RSF1: variants seen among roughly 807,000 people sequenced by gnomAD.
The protein encoded by RSF1 is remodeling and spacing factor 1.
RSF1 carries 13 observed loss-of-function variants against 145.2 expected under a neutral mutation model. The observed-to-expected ratio is 0.09, with a 90% CI of 0.06 to 0.14. The LOEUF is 0.14. Ranked by LOEUF, RSF1 falls within the 10% of genes least tolerant of loss-of-function variation. The pLI is 1.00. For missense variants in RSF1, 1,517 were observed against 1,718.2 expected (o/e 0.88, Z 2.07); for synonymous variants, 577 against 592.6 (o/e 0.97, Z 0.38).
Position 77,771,608 on chromosome 11 carries a change from C to G in RSF1, c.188-6919G>C, listed in dbSNP as rs75991612. ...AGATTTAAGTTTTTAAAAGATCACTCTTTTAAATCCAGGATCTGTTTGAAA... is the reference window on the plus strand; with the variant it reads ...AGATTTAAGTTTTTAAAAGATCACTGTTTTAAATCCAGGATCTGTTTGAAA... On this transcript the variant is annotated intron_variant, in intron 1 of 15. Transcript: ENST00000308488. 1.8e-3 allele frequency among the ~76,000 whole-genome samples: 277 copies of G among 152,294 alleles called. 12 individuals are homozygous for G. The East Asian group carries it at 0.043, about 24-fold the overall frequency.
At chr11:77,774,476 G>A (rs1375985035) in intron 1 of RSF1, among the ~76,000 whole-genome samples, 1 of 151,860 alleles carries the variant, frequency 6.6e-6, no homozygotes, top group African/African-American at 2.4e-5. Flanking sequence ...GGAGGCTGAG[G>A]CAGGAGAATC....
In RSF1 at chr11:77,664,932, C is replaced by A. The variant is rs900734102; in HGVS notation, c.*1985G>T. 1 of 152,190 alleles carries A rather than the reference C, an allele frequency of 6.6e-6. No individual in the cohort carries two copies. Among genetic ancestry groups the A allele is most frequent in the Non-Finnish European group, 1.5e-5 (1 of 68,034 alleles). 9.4% of individuals were successfully genotyped at this position (152,190 alleles called of 1,614,324 possible). A position where few individuals can be genotyped will look rare whatever the true frequency, so the allele number is the denominator to read the frequency against. On this transcript the variant is annotated 3_prime_UTR_variant, in exon 16 of 16. Transcript: ENST00000308488. ...AATAAAAATCACAACTTACTTGGAA[C>A]CACATGCTATTGGTGCATCCTATTT...
At chr11:77,711,836 CT>C (rs1404733178) in intron 5 of RSF1, among the ~76,000 whole-genome samples, 1 of 151,994 alleles carries the variant, frequency 6.6e-6, no homozygotes, top group Non-Finnish European at 1.5e-5. Flanking sequence ...CTTCAATGTC[CT>C]TTTTTATTCC....
chr11:77,763,644 C>T (rs1948197908), intron 2 of RSF1: 1 of 152,136 alleles, frequency 6.6e-6, no homozygotes, highest in Non-Finnish European at 1.5e-5. Flanking sequence ...AACCATATGA[C>T]AGTTTCTAAA....
chr11:77,832,951 ATG>A, the RSF1 span, among the ~76,000 whole-genome samples: 6,109 of 68,310 alleles, frequency 0.089, 543 homozygotes, highest in Middle Eastern at 0.15. Context: ...GTATATATAT[ATG>A]TGTGTGTGTG....
Position 77,765,772 on chromosome 11 carries a change from T to C in RSF1, c.188-1083A>G, listed in dbSNP as rs578013702. ...ATTTTTCTTTTTTCTTTTGAAACGG[T>C]ATCTCACTCTTTTTGCCCAGGCTGA... On this transcript the variant is annotated intron_variant, in intron 1 of 15. Coordinates refer to ENST00000308488, the MANE Select transcript of RSF1 (RefSeq NM_016578.4). Among the ~76,000 whole-genome samples, 6 of 152,252 alleles carry C rather than the reference T, an allele frequency of 3.9e-5. No homozygotes were observed. The South Asian group carries it at 1.2e-3, about 32-fold the overall frequency.
intron 2 of RSF1, among the ~76,000 whole-genome samples, chr11:77,756,740 T>C (rs1948120081): frequency 6.6e-6 from 1 of 152,226 alleles, no homozygotes; most frequent in Admixed American, 6.5e-5. Flanking sequence ...AAAGTGGGTA[T>C]GTGCTTTACT....
chr11:77,840,730 C>T, the RSF1 span, among the ~76,000 whole-genome samples: 1 of 152,092 alleles, frequency 6.6e-6, no homozygotes, highest in Non-Finnish European at 1.5e-5. Context: ...TTTCAGTTTA[C>T]TGAGTGTGGG....
the RSF1 span, among the ~76,000 whole-genome samples, chr11:77,833,823 A>T: frequency 6.6e-6 from 1 of 152,210 alleles, no homozygotes; most frequent in Non-Finnish European, 1.5e-5. Context: ...CTAGATTTTG[A>T]CATTTCTTCT....
the RSF1 span, among the ~76,000 whole-genome samples, chr11:77,862,126 C>T: frequency 1.3e-4 from 20 of 152,236 alleles, no homozygotes; most frequent in African/African-American, 2.2e-4. Context: ...CAAATGTTTG[C>T]GGCACCAATC....
intron 1 of RSF1, among the ~76,000 whole-genome samples, chr11:77,808,093 G>A (rs897770622): frequency 1.3e-5 from 2 of 152,108 alleles, no homozygotes; most frequent in Admixed American, 1.3e-4. Flanking sequence ...CAGCACTTTG[G>A]GAGGCCAAGG....
chr11:77,819,489 G>A (rs1055440223), intron 1 of RSF1, among the ~76,000 whole-genome samples: 5 of 152,200 alleles, frequency 3.3e-5, no homozygotes, highest in African/African-American at 1.2e-4. Flanking sequence ...ATGGGGCCGG[G>A]CAGAGCATGC....
chr11:77,796,663 A>G (rs1948575258), intron 1 of RSF1, among the ~76,000 whole-genome samples: 1 of 152,226 alleles, frequency 6.6e-6, no homozygotes, highest in African/African-American at 2.4e-5. Flanking sequence ...GGCTAGGGCA[A>G]TCAGGCAACA....
At chr11:77,772,585 C>T (rs1407035823) in intron 1 of RSF1, among the ~76,000 whole-genome samples, 1 of 151,946 alleles carries the variant, frequency 6.6e-6, no homozygotes, top group African/African-American at 2.4e-5. Flanking sequence ...TTACAAAAAG[C>T]ACTAGAAAGT....
chr11:77,729,977 A>T (rs527342211), intron 4 of RSF1, among the ~76,000 whole-genome samples: 1 of 151,532 alleles, frequency 6.6e-6, no homozygotes, highest in African/African-American at 2.4e-5. Context: ...CAATAGCAGT[A>T]CTATTAATCT....
rs772042852 is a variant in RSF1 at position 77,698,452 on chromosome 11, AAT to A, written c.2715+33_2715+34del. On this transcript the variant is annotated intron_variant, in intron 7 of 15. Coordinates refer to ENST00000308488, the MANE Select transcript of RSF1 (RefSeq NM_016578.4). ...CTCCAGGCAACCTCACCATGTCTGT[AAT>A]ATGAGTATTCTTCATTTACATCAGG... 1.9e-6 allele frequency: 3 copies of A among 1,578,444 alleles called. No individual in the cohort carries two copies. The African/African-American group carries it at 4.1e-5, about 21-fold the overall frequency.
intron 1 of RSF1, chr11:77,813,631 C>A: frequency 1.6e-6 from 1 of 606,972 alleles, no homozygotes; most frequent in Non-Finnish European, 3.1e-6. Flanking sequence ...CGGTGAACTG[C>A]CACCTCCAGC....
At chr11:77,843,749 T>C in the RSF1 span, among the ~76,000 whole-genome samples, 21 of 152,252 alleles carry the variant, frequency 1.4e-4, no homozygotes, top group African/African-American at 5.1e-4. Flanking sequence ...ATTAATTCAT[T>C]TTCATTAGTT....
chr11:77,703,822 T>C (rs1419828280), intron 5 of RSF1, among the ~76,000 whole-genome samples: 1 of 152,076 alleles, frequency 6.6e-6, no homozygotes, highest in Non-Finnish European at 1.5e-5. Context: ...TCCTACAGCA[T>C]AAATAAGGTA....
Sources: gnomAD v4.1 joint callset for allele counts (sites outside exome capture counted in the v4.1 genomes callset) on GRCh38, gnomAD v4.1.1 for gene constraint, MANE v1.5 for transcripts, NCBI Gene and HGNC (gene_info 2026-07-23, HGNC 2026-07-21) for gene names.